The following BEND7 variants were observed in gnomAD, a reference collection of about 807,000 sequenced individuals.
BEND7 encodes BEN domain containing 7.
In BEND7, 28 loss-of-function variants were observed where a neutral mutation model predicts 50.9. The ratio of observed to expected loss-of-function variants is 0.55; its 90% CI spans 0.41 to 0.75. BEND7 has a LOEUF of 0.75. Among genes scored for constraint, BEND7 ranks in the 30% least tolerant of loss-of-function variants. BEND7 has a pLI of 0.00. For synonymous variants in BEND7, 170 were observed against 183.9 expected (o/e 0.92, Z 0.61); for missense variants, 477 against 491.3 (o/e 0.97, Z 0.28).
chr10:13,474,807 G>A (rs1210494114), intron 6 of BEND7, among the ~76,000 whole-genome samples: 5 of 152,216 alleles, frequency 3.3e-5, no homozygotes, highest in South Asian at 2.1e-4. Flanking sequence ...ACCCATCATC[G>A]CTTTTGGACT....
intron 2 of BEND7, among the ~76,000 whole-genome samples, chr10:13,516,980 G>A (rs2078728405): frequency 6.6e-6 from 1 of 151,808 alleles, no homozygotes; most frequent in Non-Finnish European, 1.5e-5. Flanking sequence ...AGTGTTGATT[G>A]GAATATCTGG....
chr10:13,488,642 T>C (rs2076420317), intron 5 of BEND7, among the ~76,000 whole-genome samples: 1 of 152,166 alleles, frequency 6.6e-6, no homozygotes, highest in African/African-American at 2.4e-5. Flanking sequence ...CATGCGCCAC[T>C]GCGCCTAGCT....
intron 2 of BEND7, among the ~76,000 whole-genome samples, chr10:13,509,439 G>C (rs1424866340): frequency 6.6e-6 from 1 of 152,158 alleles, no homozygotes; most frequent in Admixed American, 6.5e-5. Context: ...CCAGAGGCAA[G>C]GGCTGGTGCC....
At chr10:13,446,052 T>C (rs1444885731) in intron 8 of BEND7, 1 of 152,224 alleles carries the variant, frequency 6.6e-6, no homozygotes, top group African/African-American at 2.4e-5. Context: ...CGTATTTCAA[T>C]TCTCTTAATT....
At chr10:13,464,070 C>T (rs1343503804) in intron 6 of BEND7, among the ~76,000 whole-genome samples, 1 of 152,250 alleles carries the variant, frequency 6.6e-6, no homozygotes, top group Non-Finnish European at 1.5e-5. Flanking sequence ...TTCTACCTTG[C>T]TGGCAGATGC....
At chr10:13,495,347 A>G (rs1012476765) in intron 4 of BEND7, among the ~76,000 whole-genome samples, 2 of 152,200 alleles carry the variant, frequency 1.3e-5, no homozygotes, top group Non-Finnish European at 2.9e-5. Context: ...CCTTGGGGTA[A>G]AACCAAATTC....
intron 7 of BEND7, among the ~76,000 whole-genome samples, chr10:13,450,157 C>G (rs139492989): frequency 1.7e-4 from 26 of 152,310 alleles, no homozygotes; most frequent in African/African-American, 5.8e-4. Context: ...TTTGGATTTG[C>G]ATAACGGCCT....
chr10:13,492,899 T>C, intron 4 of BEND7, 23 bp from the exon 5 acceptor site: 8 of 1,592,564 alleles, frequency 5.0e-6, no homozygotes, highest in East Asian at 2.2e-5. Context: ...AACAAAAATA[T>C]GGTACAGGCA....
downstream of BEND7, chr10:13,438,881 G>A (rs1588578213): frequency 2.8e-6 from 1 of 353,234 alleles, no homozygotes; most frequent in East Asian, 6.4e-5. Flanking sequence ...TCTCAATCTT[G>A]GGTTCTGTGA....
At position 13,441,653 on chromosome 10, in the gene BEND7, C is replaced by G; in HGVS notation, c.*90G>C. On this transcript the variant is annotated 3_prime_UTR_variant, in exon 9 of 9. Transcript: ENST00000466271. ...GGTCACCAATTAATCTTCTCCCTTC[C>G]CTTGGGTAGTAGCTCCTTGTGGGAG... is the stretch of plus-strand genomic sequence containing the variant. The G allele has an allele frequency of 6.2e-7, 1 of 1,601,992 alleles. No individual in the cohort carries two copies. The highest frequency in any genetic ancestry group is 2.2e-5 in the East Asian group (1 of 44,748).
intron 2 of BEND7, chr10:13,500,823 C>G: frequency 1.0e-6 from 1 of 985,470 alleles, no homozygotes; most frequent in Non-Finnish European, 1.2e-6. Flanking sequence ...AGGTCACTGG[C>G]GGTACCAGCA....
At chr10:13,458,155 T>C (rs1034829994) in intron 6 of BEND7, among the ~76,000 whole-genome samples, 1 of 152,240 alleles carries the variant, frequency 6.6e-6, no homozygotes, top group Non-Finnish European at 1.5e-5. Flanking sequence ...TAATGACTTT[T>C]CCCAGATGCT....
chr10:13,518,515 G>A (rs1171055000), intron 2 of BEND7, among the ~76,000 whole-genome samples: 1 of 152,236 alleles, frequency 6.6e-6, no homozygotes, highest in African/African-American at 2.4e-5. Flanking sequence ...GTTTACAGAT[G>A]GGCCAGCGCT....
intron 6 of BEND7, chr10:13,480,496 G>A (rs906412360): frequency 5.9e-5 from 29 of 488,418 alleles, no homozygotes; most frequent in African/African-American, 5.9e-4. Flanking sequence ...AAACTTCAGA[G>A]AGAACCATTT....
intron 3 of BEND7, among the ~76,000 whole-genome samples, chr10:13,499,323 C>G (rs934101779): frequency 6.6e-6 from 1 of 151,974 alleles, no homozygotes; most frequent in South Asian, 2.1e-4. Context: ...ATCGGCCCCC[C>G]ACCCCTGTCC....
intron 6 of BEND7, among the ~76,000 whole-genome samples, chr10:13,462,294 G>A (rs985770497): frequency 1.3e-5 from 2 of 152,188 alleles, no homozygotes; most frequent in Non-Finnish European, 1.5e-5. Flanking sequence ...CACAATCACC[G>A]TGGAAGGCAA....
chr10:13,508,764 G>GA (rs546097996), intron 2 of BEND7, among the ~76,000 whole-genome samples: 7 of 150,344 alleles, frequency 4.7e-5, no homozygotes, highest in South Asian at 2.1e-4. Context: ...CAATGTGACC[G>GA]AAAAAAAAAT....
intron 2 of BEND7, among the ~76,000 whole-genome samples, chr10:13,507,072 G>A (rs897055410): frequency 6.6e-6 from 1 of 152,058 alleles, no homozygotes; most frequent in East Asian, 1.9e-4. Flanking sequence ...TGGCCCCTCT[G>A]GACTGAGTAA....
At chr10:13,456,710 T>A (rs1839049891) in intron 6 of BEND7, among the ~76,000 whole-genome samples, 1 of 152,212 alleles carries the variant, frequency 6.6e-6, no homozygotes, top group South Asian at 2.1e-4. Context: ...TCATCTCTTT[T>A]GTCTCCCTCA....
Sources: allele counts gnomAD v4.1 joint callset (sites outside exome capture counted in the v4.1 genomes callset), GRCh38; gene constraint gnomAD v4.1.1; transcripts MANE v1.5; gene names NCBI Gene and HGNC (gene_info 2026-07-23, HGNC 2026-07-21).